OSGEPL1: variants seen among roughly 807,000 people sequenced by gnomAD.
OSGEPL1 encodes the protein tRNA N6-adenosine threonylcarbamoyltransferase, mitochondrial.
Under a neutral mutation model 37.2 loss-of-function variants are expected in OSGEPL1, and 26 were observed. The observed-to-expected ratio is 0.70, with a 90% CI of 0.51 to 0.97. The LOEUF is 0.97. OSGEPL1 is among the 50% of genes least tolerant of loss of function. The pLI, the probability that OSGEPL1 is intolerant of heterozygous loss-of-function variation, is 0.00. For synonymous variants in OSGEPL1, 140 were observed against 159.9 expected (o/e 0.88, Z 0.94); for missense variants, 404 against 487.0 (o/e 0.83, Z 1.60).
In OSGEPL1 at chr2:189,761,644, T is replaced by A; in HGVS notation, c.-4A>T. The A allele has an allele frequency of 6.4e-7, 1 of 1,572,272 alleles. No individual in the cohort carries two copies. Among genetic ancestry groups the A allele is most frequent in the Non-Finnish European group, 8.6e-7 (1 of 1,164,440 alleles). ...CAGTCTTAGTCAAGATTAGCATACT[T>A]ACTCTATAGATAATTCCTGAAAAAG... On this transcript the variant is annotated 5_prime_UTR_variant, in exon 2 of 9. Coordinates refer to ENST00000264151, the MANE Select transcript of OSGEPL1 (RefSeq NM_022353.3).
At chr2:189,751,874 G>A (rs1444975832) in intron 7 of OSGEPL1, among the ~76,000 whole-genome samples, 2 of 151,830 alleles carry the variant, frequency 1.3e-5, no homozygotes, top group East Asian at 3.9e-4. Flanking sequence ...AGCCAGGTGT[G>A]GTGGCTCACA....
Position 189,752,666 on chromosome 2 carries a change from G to A in OSGEPL1, c.1153C>T (p.Arg385Cys), listed in dbSNP as rs545117874. The A allele has an allele frequency of 6.2e-6, 10 of 1,613,678 alleles. No individual in the cohort carries two copies. The East Asian group carries it at 1.1e-4, about 18-fold the overall frequency. ...LGILHDIEGI[R>C]YEPKCPLGVD... ...GATACCACATACTTTGGTTCATAGC[G>A]GATGCCTTCTATGTCATGTAAAATG... is the stretch of plus-strand genomic sequence containing the variant. Residue 385 changes from arginine (R) to cysteine (C), a missense_variant, in exon 7 of 9, where the codon CGC (arginine) becomes TGC (cysteine). Transcript: ENST00000264151.
chr2:189,755,618 G>T, intron 2 of OSGEPL1, 58 bp from the exon 3 acceptor site: 1 of 1,521,128 alleles, frequency 6.6e-7, no homozygotes, highest in Non-Finnish European at 8.8e-7. Flanking sequence ...GAAGAAAAAT[G>T]ATATTACAGC....
intron 2 of OSGEPL1, among the ~76,000 whole-genome samples, chr2:189,757,925 C>T (rs2046322847): frequency 6.6e-6 from 1 of 152,200 alleles, no homozygotes; most frequent in South Asian, 2.1e-4. Context: ...ACAATGCTCA[C>T]TTAGTGATAT....
At chr2:189,761,800 A>G (rs2047100867) in intron 1 of OSGEPL1, 140 bp from the exon 2 acceptor site, 1 of 775,898 alleles carries the variant, frequency 1.3e-6, no homozygotes, top group East Asian at 3.3e-5. Context: ...ACATGGGAAT[A>G]TAAATAATAT....
In OSGEPL1 at chr2:189,760,401, G is replaced by C. The variant is rs182526627; in HGVS notation, c.221+1019C>G. On this transcript the variant is annotated intron_variant, in intron 2 of 8. Transcript: ENST00000264151. Reference sequence around the variant, plus strand: ...GCAGAGGCGCCCCCACCTCCCAGACGGGGCGGCTGCTGGGCGGGGGCGCCC... The same window carrying C: ...GCAGAGGCGCCCCCACCTCCCAGACCGGGCGGCTGCTGGGCGGGGGCGCCC... 4.7e-3 allele frequency among the ~76,000 whole-genome samples: 722 copies of C among 152,242 alleles called. 3 individuals carry two copies. The highest frequency in any genetic ancestry group is 0.016 in the African/African-American group (673 of 41,552).
intron 2 of OSGEPL1, among the ~76,000 whole-genome samples, chr2:189,759,641 G>A (rs527276616): frequency 1.9e-4 from 29 of 152,238 alleles, no homozygotes; most frequent in Non-Finnish European, 2.9e-4. Context: ...CTTAATTCAG[G>A]ATTCAAATAC....
At chr2:189,753,874 T>C in intron 5 of OSGEPL1, 42 bp downstream of exon 5, 3 of 1,598,776 alleles carry the variant, frequency 1.9e-6, no homozygotes, top group Non-Finnish European at 2.6e-6. Context: ...AAGTAACATA[T>C]TGCAAAGTGT....
intron 8 of OSGEPL1, among the ~76,000 whole-genome samples, chr2:189,747,692 CTTATTTAT>C (rs900133074): frequency 6.6e-6 from 1 of 151,934 alleles, no homozygotes; most frequent in Non-Finnish European, 1.5e-5. Flanking sequence ...TACTTACTTA[CTTATTTAT>C]TTATTTATTC....
intron 2 of OSGEPL1, among the ~76,000 whole-genome samples, chr2:189,760,545 C>A (rs1012397032): frequency 1.3e-5 from 2 of 152,220 alleles, no homozygotes; most frequent in East Asian, 3.9e-4. Flanking sequence ...GTAATCCCTG[C>A]ACTTTGGGAG....
chr2:189,751,994 A>G (rs1323836206), intron 7 of OSGEPL1, among the ~76,000 whole-genome samples: 1 of 151,694 alleles, frequency 6.6e-6, no homozygotes. Context: ...AATACAAAAA[A>G]TGAGCTGGGC....
intron 3 of OSGEPL1, 129 bp downstream of exon 3, chr2:189,755,044 G>GT: frequency 9.2e-7 from 1 of 1,089,496 alleles, no homozygotes; most frequent in East Asian, 2.6e-5. Flanking sequence ...CTCACCATAT[G>GT]TGAATTTTTT....
At position 189,761,211 on chromosome 2, in the gene OSGEPL1, GGC is replaced by G. The variant is rs1377299156; in HGVS notation, c.221+207_221+208del. 1.3e-5 allele frequency: 5 copies of G among 387,096 alleles called. No individual in the cohort carries two copies. The East Asian group carries it at 2.0e-4, about 16-fold the overall frequency. The allele number at this position is 387,096 out of a possible 1,614,324, so 24.0% of individuals were successfully genotyped here. ...GCTGGGAATGAGCTCAGTTTCTTTT[GGC>G]AACAGGATTAGTTAAGGTTGGGACC... is the stretch of plus-strand genomic sequence containing the variant. On this transcript the variant is annotated intron_variant, in intron 2 of 8. Coordinates refer to ENST00000264151, the MANE Select transcript of OSGEPL1 (RefSeq NM_022353.3).
chr2:189,760,706 G>A (rs962623846), intron 2 of OSGEPL1, among the ~76,000 whole-genome samples: 7 of 151,800 alleles, frequency 4.6e-5, no homozygotes, highest in South Asian at 2.1e-4. Context: ...CAGGGGAATC[G>A]TTTGAACTCG....
chr2:189,758,014 G>A (rs1041423869), intron 2 of OSGEPL1, among the ~76,000 whole-genome samples: 3 of 152,158 alleles, frequency 2.0e-5, no homozygotes, highest in African/African-American at 7.2e-5. Context: ...GGTGGGAGAT[G>A]ACTACATCAT....
In OSGEPL1 at chr2:189,762,742, A is replaced by T; in HGVS notation, c.-78T>A. ...CTCCTTTCCCTACTAAAGACTGTCG[A>T]CTGCCCTTATCGCTGCAGGAGAAAG... On this transcript the variant is annotated 5_prime_UTR_variant, in exon 1 of 9. Coordinates refer to ENST00000264151, the MANE Select transcript of OSGEPL1 (RefSeq NM_022353.3). 1.0e-6 allele frequency: 1 copy of T among 985,410 alleles called. No individual in the cohort carries two copies. Among genetic ancestry groups the T allele is most frequent in the East Asian group, 1.1e-4 (1 of 8,820 alleles). The allele number at this position is 985,410 out of a possible 1,614,324, so 61.0% of individuals were successfully genotyped here.
chr2:189,753,477 T>C (rs1301647817), intron 5 of OSGEPL1, among the ~76,000 whole-genome samples: 1 of 152,176 alleles, frequency 6.6e-6, no homozygotes, highest in Non-Finnish European at 1.5e-5. Flanking sequence ...TGGTACAATA[T>C]AGTGGATTAT....
At chr2:189,753,185 A>G in intron 5 of OSGEPL1, 1 of 331,514 alleles carries the variant, frequency 3.0e-6, no homozygotes, top group Non-Finnish European at 5.5e-6. Context: ...CATTACTAGC[A>G]TTTTTGTATA....
chr2:189,750,681 ATTAT>A (rs765538627), intron 7 of OSGEPL1, 25 bp from the exon 8 acceptor site: 3 of 1,538,870 alleles, frequency 1.9e-6, no homozygotes, highest in Admixed American at 2.2e-5. Context: ...GACAAATCGT[ATTAT>A]TTATTTGCTT....
Sources: gnomAD v4.1 joint callset for allele counts (sites outside exome capture counted in the v4.1 genomes callset) on GRCh38, gnomAD v4.1.1 for gene constraint, MANE v1.5 for transcripts, NCBI Gene and HGNC (gene_info 2026-07-23, HGNC 2026-07-21) for gene names.